The following ZNF233 variants were observed in gnomAD, a reference collection of about 807,000 sequenced individuals.
ZNF233 encodes the protein zinc finger protein 233.
A neutral mutation model predicts 11.6 loss-of-function variants in ZNF233; 7 were observed. The ratio of observed to expected loss-of-function variants is 0.60; its 90% CI spans 0.34 to 1.13. The LOEUF (loss-of-function observed/expected upper bound fraction) is 1.13, where lower values mean the gene tolerates loss of function less well. Ranked by LOEUF, ZNF233 falls within the 50% of genes most tolerant of loss-of-function variation. ZNF233 has a pLI of 0.03. For synonymous variants in ZNF233, 226 were observed against 268.5 expected, an observed-to-expected ratio of 0.84 and a Z score of 1.55; for missense variants, 711 against 785.5, an observed-to-expected ratio of 0.91 and a Z score of 1.13.
Position 44,274,439 on chromosome 19 carries a change from A to C in ZNF233, c.1779A>C (p.Lys593Asn). The change falls in exon 5 of 5, where the codon AAA becomes AAC. Residue 593 changes from lysine (K) to asparagine (N), a missense_variant. By Grantham distance (94) the Lys-to-Asn change is moderately conservative (BLOSUM62 0). Transcript: ENST00000683810. ...QRVHTGEKPY[K>N]CEECRKGFIW... is the part of the protein sequence containing the mutation. Reference sequence around the variant, plus strand: ...TCCACACAGGAGAGAAACCATACAAATGTGAAGAATGTAGGAAAGGCTTCA... The same window carrying C: ...TCCACACAGGAGAGAAACCATACAACTGTGAAGAATGTAGGAAAGGCTTCA... 1 of 1,614,192 alleles carries C rather than the reference A, an allele frequency of 6.2e-7. No individual in the cohort carries two copies. The highest frequency in any genetic ancestry group is 8.5e-7 in the Non-Finnish European group (1 of 1,180,024).
intron 4 of ZNF233, chr19:44,267,798 T>C: frequency 5.7e-6 from 1 of 174,330 alleles, no homozygotes. Flanking sequence ...AGATGTCATC[T>C]CATCACAGAA....
intron 1 of ZNF233, among the ~76,000 whole-genome samples, chr19:44,262,106 T>A (rs2123035999): frequency 6.6e-6 from 1 of 152,348 alleles, no homozygotes; most frequent in East Asian, 1.9e-4. Flanking sequence ...ATCTTGGAGA[T>A]CAATTAGTAC....
intron 4 of ZNF233, among the ~76,000 whole-genome samples, chr19:44,271,655 G>A (rs559760334): frequency 3.9e-5 from 6 of 151,950 alleles, no homozygotes; most frequent in South Asian, 4.2e-4. Context: ...GACTACAGGC[G>A]CCTGCCCCCA....
At chr19:44,265,637 G>A (rs1373885946) in intron 2 of ZNF233, among the ~76,000 whole-genome samples, 1 of 152,182 alleles carries the variant, frequency 6.6e-6, no homozygotes, top group South Asian at 2.1e-4. Context: ...GGTCAGGCTG[G>A]TCTTGAACTC....
intron 4 of ZNF233, among the ~76,000 whole-genome samples, chr19:44,270,346 T>TA (rs398034740): frequency 0.54 from 39,101 of 72,596 alleles, 10,614 homozygotes; most frequent in South Asian, 0.71. Context: ...CCATCTATAC[T>TA]AAAAAAAAAA....
chr19:44,271,110 A>G (rs566114828), intron 4 of ZNF233, among the ~76,000 whole-genome samples: 1 of 152,276 alleles, frequency 6.6e-6, no homozygotes, highest in Admixed American at 6.5e-5. Context: ...AAGTTTTCTA[A>G]TTCTTTTTCA....
At position 44,274,695 on chromosome 19, in the gene ZNF233, T is replaced by C. The variant is rs957098359; in HGVS notation, c.*22T>C. On this transcript the variant is annotated 3_prime_UTR_variant, in exon 5 of 5. Coordinates refer to ENST00000683810, the MANE Select transcript of ZNF233 (RefSeq NM_001207005.2). ...ATGATGGTGATGAATCTATTAATCA[T>C]GATGAGTGTGATAGGGGTGCTCTTC... 6 of 1,546,118 alleles carry C rather than the reference T, an allele frequency of 3.9e-6. No individual in the cohort carries two copies. The highest frequency in any genetic ancestry group is 5.3e-6 in the Non-Finnish European group (6 of 1,138,900).
chr19:44,270,816 T>C (rs1684702100), intron 4 of ZNF233, among the ~76,000 whole-genome samples: 1 of 152,130 alleles, frequency 6.6e-6, no homozygotes, highest in African/African-American at 2.4e-5. Flanking sequence ...AGCTAGTTTC[T>C]CCCAGACCCA....
intron 4 of ZNF233, among the ~76,000 whole-genome samples, chr19:44,272,340 CAA>C (rs34243089): frequency 0.027 from 2,431 of 88,720 alleles, 49 homozygotes; most frequent in Admixed American, 0.082. Flanking sequence ...CCTGCAGTCT[CAA>C]AAAAAAAAAA....
chr19:44,271,020 T>A (rs532786495), intron 4 of ZNF233, among the ~76,000 whole-genome samples: 2 of 152,278 alleles, frequency 1.3e-5, no homozygotes, highest in South Asian at 4.2e-4. Context: ...GCCATTTAGG[T>A]TTATCAGAAA....
chr19:44,266,607 G>A (rs917623191), intron 3 of ZNF233, among the ~76,000 whole-genome samples: 4 of 152,098 alleles, frequency 2.6e-5, no homozygotes, highest in African/African-American at 7.2e-5. Flanking sequence ...TCAGTGCAAC[G>A]AAAATTGTAA....
Position 44,266,197 on chromosome 19 carries a change from G to C in ZNF233, c.16-1G>C. 1 of 1,607,478 alleles carries C rather than the reference G, an allele frequency of 6.2e-7. No individual in the cohort carries two copies. The highest frequency in any genetic ancestry group is 8.5e-7 in the Non-Finnish European group (1 of 1,176,598). On this transcript the variant is annotated splice_acceptor_variant, in intron 2 of 4. Transcript: ENST00000683810. LOFTEE classifies it high-confidence loss of function. ...GAGATTACATCTGCTTGATGTTGTA[G>C]GAGATGGTGACATTCAAGGATGTGG...
chr19:44,266,581 T>C (rs1037546095), intron 3 of ZNF233, among the ~76,000 whole-genome samples: 10 of 152,338 alleles, frequency 6.6e-5, no homozygotes, highest in Admixed American at 3.3e-4. Flanking sequence ...TTATAGCTCC[T>C]TGTCAGGAAC....
rs1975293373 is a variant in ZNF233, at chr19:44,273,285, A to C, written c.625A>C (p.Lys209Gln). Residue 209 changes from lysine (K) to glutamine (Q), a missense_variant, in exon 5 of 5, where the codon AAA (lysine) becomes CAA (glutamine). Lys to Gln is a moderately conservative substitution (Grantham distance 53). Coordinates refer to ENST00000683810, the MANE Select transcript of ZNF233 (RefSeq NM_001207005.2). The stretch of plus-strand genomic sequence containing the variant: ...AATTGATGTAAAAAATAAGCTCTGT[A>C]AATGTGATCATTGTGTTAGGCAAAG... Reference protein sequence around the residue: ...QQIDVKNKLCKCDHCVRQRIA... With the variant: ...QQIDVKNKLCQCDHCVRQRIA... 2 of 1,613,998 alleles carry C rather than the reference A, an allele frequency of 1.2e-6. No individual in the cohort carries two copies. The highest frequency in any genetic ancestry group is 2.7e-5 in the African/African-American group (2 of 74,930).
At position 44,273,934 on chromosome 19, in the gene ZNF233, C is replaced by A. The variant is rs1346882043; in HGVS notation, c.1274C>A (p.Thr425Lys). 2 of 1,613,910 alleles carry A rather than the reference C, an allele frequency of 1.2e-6. No homozygotes were observed. The highest frequency in any genetic ancestry group is 2.7e-5 in the African/African-American group (2 of 74,916). Residue 425 changes from threonine to lysine, a missense_variant, in exon 5 of 5, where the codon ACA becomes AAA. Transcript: ENST00000683810. ...AHQRGHSRDK[T>K]YKWEVSDRIF... ...CAGAGAGGTCACTCTAGAGACAAGA[C>A]ATACAAATGGGAAGTAAGTGACAGG...
rs200527384 is a variant in ZNF233, at chr19:44,274,591, G to A, written c.1931G>A (p.Gly644Glu). ...HLQAHQRVHT[G>E]EKPYKCFVCG... ...CAAGCCCATCAGAGAGTCCATACTG[G>A]AGAGAAACCATACAAATGTTTTGTG... The change falls in exon 5 of 5, where the codon GGA becomes GAA. Residue 644 changes from glycine (G) to glutamate (E), a missense_variant. By Grantham distance (98) the Gly-to-Glu change is moderately conservative. Coordinates refer to ENST00000683810, the MANE Select transcript of ZNF233 (RefSeq NM_001207005.2). 4.4e-5 allele frequency: 71 copies of A among 1,614,012 alleles called. 1 individual carries two copies. Among genetic ancestry groups the A allele is most frequent in the Non-Finnish European group, 3.4e-6 (4 of 1,179,998 alleles).
At chr19:44,262,879 C>A (rs1000555991) in intron 1 of ZNF233, among the ~76,000 whole-genome samples, 9 of 152,148 alleles carry the variant, frequency 5.9e-5, no homozygotes, top group Non-Finnish European at 1.5e-5. Flanking sequence ...GCAGTTCATA[C>A]CCTCCAACTT....
At chr19:44,264,437 CT>C in intron 2 of ZNF233, 62 bp downstream of exon 2, 50 of 1,482,450 alleles carry the variant, frequency 3.4e-5, no homozygotes, top group Non-Finnish European at 4.2e-5. Flanking sequence ...AGATTAGACA[CT>C]TTTTTTTCTC....
chr19:44,270,306 T>C (rs540730501), intron 4 of ZNF233, among the ~76,000 whole-genome samples: 85 of 145,412 alleles, frequency 5.8e-4, no homozygotes, highest in African/African-American at 2.0e-3. Flanking sequence ...GTCAGGAGTT[T>C]GAGACCAGCC....
Sources: allele counts gnomAD v4.1 joint callset (sites outside exome capture counted in the v4.1 genomes callset), GRCh38; gene constraint gnomAD v4.1.1; transcripts MANE v1.5; gene names NCBI Gene and HGNC (gene_info 2026-07-23, HGNC 2026-07-21).